Variants in NOS2 observed in about 807,000 individuals in gnomAD.
The protein encoded by NOS2 is nitric oxide synthase 2.
NOS2 carries 96 observed loss-of-function variants against 136.0 expected under a neutral mutation model. The observed-to-expected ratio is 0.71, with a 90% CI of 0.60 to 0.84. The LOEUF (loss-of-function observed/expected upper bound fraction) is 0.84, where lower values mean the gene tolerates loss of function less well. NOS2 is among the 40% of genes least tolerant of loss of function. The pLI is 0.00. For missense variants in NOS2, 1,237 were observed against 1,496.9 expected, an observed-to-expected ratio of 0.83 and a Z score of 2.87; for synonymous variants, 539 against 587.5, an observed-to-expected ratio of 0.92 and a Z score of 1.20.
intron 2 of NOS2, chr17:27,793,641 C>G (rs1032935866): frequency 7.6e-6 from 3 of 397,308 alleles, no homozygotes; most frequent in Non-Finnish European, 1.3e-5. Flanking sequence ...TGCAGAGCAG[C>G]CTGCACAGCC....
intron 24 of NOS2, 40 bp downstream of exon 24, chr17:27,760,583 C>A: frequency 6.4e-7 from 1 of 1,551,018 alleles, no homozygotes; most frequent in Non-Finnish European, 8.7e-7. Context: ...AGGCGCTGGC[C>A]CCCTGGTGCC....
chr17:27,773,499 C>A (rs1238330354), intron 12 of NOS2, among the ~76,000 whole-genome samples: 2 of 152,226 alleles, frequency 1.3e-5, no homozygotes, highest in African/African-American at 4.8e-5. Context: ...TTAGTGTCCT[C>A]CTGGAAGGAA....
At chr17:27,779,534 A>T (rs1053104485) in intron 9 of NOS2, among the ~76,000 whole-genome samples, 7 of 151,688 alleles carry the variant, frequency 4.6e-5, no homozygotes, top group African/African-American at 1.7e-4. Context: ...AAACAAGAAA[A>T]CTCCTTTCCA....
chr17:27,775,464 T>C (rs961639873), intron 11 of NOS2, among the ~76,000 whole-genome samples: 2 of 151,952 alleles, frequency 1.3e-5, no homozygotes, highest in Admixed American at 6.6e-5. Flanking sequence ...CCAGGCATGG[T>C]GGAGGCACAC....
chr17:27,785,682 G>A (rs1033930143), intron 5 of NOS2, among the ~76,000 whole-genome samples: 6 of 152,158 alleles, frequency 3.9e-5, no homozygotes, highest in African/African-American at 1.4e-4. Context: ...GGTGGGCCAG[G>A]TGCAGCGGCA....
chr17:27,773,996 C>T (rs931627082), intron 12 of NOS2, among the ~76,000 whole-genome samples: 1 of 152,188 alleles, frequency 6.6e-6, no homozygotes, highest in African/African-American at 2.4e-5. Context: ...CGGGCCCTCC[C>T]GTGGAAGCAG....
chr17:27,791,793 A>AT (rs1567643097), intron 2 of NOS2, among the ~76,000 whole-genome samples: 39 of 148,570 alleles, frequency 2.6e-4, no homozygotes, highest in African/African-American at 9.1e-4. Context: ...AAAACAAAAC[A>AT]AAACAAAACA....
chr17:27,776,580 G>A (rs1439320108), intron 11 of NOS2, among the ~76,000 whole-genome samples: 1 of 151,532 alleles, frequency 6.6e-6, no homozygotes, highest in African/African-American at 2.4e-5. Flanking sequence ...GGCTGAGGCA[G>A]GAGAATTGCT....
At chr17:27,760,238 G>A (rs1908074841) in intron 24 of NOS2, 60 bp from the exon 25 acceptor site, 5 of 1,478,904 alleles carry the variant, frequency 3.4e-6, no homozygotes, top group Non-Finnish European at 4.5e-6. Context: ...AGGGCTCCAA[G>A]CCCAACTGGA....
intron 5 of NOS2, among the ~76,000 whole-genome samples, 194 bp downstream of exon 5, chr17:27,787,484 C>A (rs937291004): frequency 6.6e-6 from 1 of 152,182 alleles, no homozygotes; most frequent in South Asian, 2.1e-4. Flanking sequence ...ACAACGTTAT[C>A]CCACAATTAT....
At chr17:27,777,197 G>C (rs1908687151) in intron 11 of NOS2, among the ~76,000 whole-genome samples, 1 of 152,224 alleles carries the variant, frequency 6.6e-6, no homozygotes, top group Admixed American at 6.5e-5. Flanking sequence ...TCTGTACTCT[G>C]TTCACCACTC....
chr17:27,764,636 G>A (rs1272374542), intron 20 of NOS2, among the ~76,000 whole-genome samples: 9 of 152,144 alleles, frequency 5.9e-5, no homozygotes, highest in East Asian at 1.9e-4. Flanking sequence ...CAGAAGACAC[G>A]GGTTCAAACC....
intron 9 of NOS2, among the ~76,000 whole-genome samples, chr17:27,779,444 G>A (rs1334536829): frequency 4.0e-5 from 6 of 151,242 alleles, no homozygotes; most frequent in East Asian, 1.9e-4. Flanking sequence ...CTTGTCTGGC[G>A]CTGGGGGCTT....
rs1482789397 is a variant in NOS2, at chr17:27,765,600, A to T, written c.2363T>A (p.Leu788Gln). ...TGTGGGGCCATCCACCACTCGCTCC[A>T]GGATACCTTGGACCAGGGCCGGCTG... ...GNQPALVQGI[L>Q]ERVVDGPTPH... Residue 788 changes from leucine to glutamine, a missense_variant, in exon 20 of 27, where the codon CTG (leucine) becomes CAG (glutamine). Physicochemically the swap from Leu to Gln is moderately radical, Grantham distance 113. Coordinates refer to ENST00000313735, the MANE Select transcript of NOS2 (RefSeq NM_000625.4). The T allele has an allele frequency of 2.5e-6, 4 of 1,612,752 alleles. No homozygotes were observed.
intron 17 of NOS2, 47 bp from the exon 18 acceptor site, chr17:27,767,884 C>T (rs1311670414): frequency 6.2e-7 from 1 of 1,607,088 alleles, no homozygotes; most frequent in Admixed American, 1.7e-5. Context: ...GCAGCAGCAG[C>T]ATCCCCACCA....
intron 15 of NOS2, among the ~76,000 whole-genome samples, chr17:27,770,176 A>C (rs989519402): frequency 1.3e-5 from 2 of 152,178 alleles, no homozygotes; most frequent in Admixed American, 6.5e-5. Flanking sequence ...ATTGCCTATT[A>C]GTCTTTTTTA....
chr17:27,792,815 CAAAAAAAA>C (rs34992777), intron 2 of NOS2, among the ~76,000 whole-genome samples: 26 of 52,508 alleles, frequency 5.0e-4, no homozygotes, highest in Admixed American at 1.7e-3. Context: ...CCTATCTCTA[CAAAAAAAA>C]AAAAAAAAAA....
chr17:27,794,308 G>C (rs1909284838), intron 2 of NOS2, among the ~76,000 whole-genome samples: 1 of 152,198 alleles, frequency 6.6e-6, no homozygotes, highest in Non-Finnish European at 1.5e-5. Flanking sequence ...AAAGCACTGG[G>C]TTAGGGGTGA....
intron 2 of NOS2, among the ~76,000 whole-genome samples, chr17:27,791,031 G>A (rs1044885919): frequency 2.0e-5 from 3 of 152,110 alleles, no homozygotes; most frequent in South Asian, 2.1e-4. Flanking sequence ...GTTGAAATGC[G>A]ATAAATGACC....
Sources: allele counts gnomAD v4.1 joint callset (sites outside exome capture counted in the v4.1 genomes callset), GRCh38; gene constraint gnomAD v4.1.1; transcripts MANE v1.5; gene names NCBI Gene and HGNC (gene_info 2026-07-23, HGNC 2026-07-21).